TIMM44: variants seen among roughly 807,000 people sequenced by gnomAD.
TIMM44 encodes the protein mitochondrial import inner membrane translocase subunit TIM44.
In TIMM44, 37 loss-of-function variants were observed where a neutral mutation model predicts 63.8. That is an observed-to-expected ratio of 0.58 (90% CI 0.45 to 0.76). TIMM44 has a LOEUF of 0.76. Ranked by LOEUF, TIMM44 falls within the 30% of genes least tolerant of loss-of-function variation. TIMM44 has a pLI of 0.00. For missense variants in TIMM44, 573 were observed against 603.8 expected, an observed-to-expected ratio of 0.95 and a Z score of 0.54; for synonymous variants, 239 against 245.1, an observed-to-expected ratio of 0.98 and a Z score of 0.23.
intron 3 of TIMM44, among the ~76,000 whole-genome samples, chr19:7,935,907 T>A (rs1451790983): frequency 1.3e-5 from 2 of 152,136 alleles, no homozygotes. Flanking sequence ...TAGTCCCAGC[T>A]CTTTGGGAAG....
intron 10 of TIMM44, 147 bp downstream of exon 10, chr19:7,930,991 C>T (rs867020345): frequency 5.8e-6 from 4 of 694,646 alleles, no homozygotes; most frequent in East Asian, 2.7e-5. Flanking sequence ...GTCAGGCTCT[C>T]GGAGGGTGAG....
Position 7,933,874 on chromosome 19 carries a change from C to G in TIMM44, c.673G>C (p.Glu225Gln). ...GDKFKEEKVF[E>Q]PNEEALGVVL... The stretch of plus-strand genomic sequence containing the variant: ...CGGGCTGGTACCTACTCGTTTGGCT[C>G]AAACACTTTCTCCTCCTTGAACTTA... Residue 225 changes from glutamate (E) to glutamine (Q), a missense_variant, in exon 6 of 13, where the codon GAG becomes CAG. Coordinates refer to ENST00000270538, the MANE Select transcript of TIMM44 (RefSeq NM_006351.4). The surrounding 1 kb of genome is among the most constrained non-coding windows in gnomAD (Gnocchi z 4.3). The G allele has an allele frequency of 4.3e-6, 7 of 1,614,146 alleles. No homozygotes were observed. The highest frequency in any genetic ancestry group is 5.9e-6 in the Non-Finnish European group (7 of 1,180,028).
At chr19:7,935,258 C>G in intron 3 of TIMM44, 113 bp from the exon 4 acceptor site, 1 of 979,964 alleles carries the variant, frequency 1.0e-6, no homozygotes, top group Non-Finnish European at 1.5e-6. Flanking sequence ...TTCCTCCTGC[C>G]AGATTCAAGC....
intron 9 of TIMM44, chr19:7,931,395 G>A: frequency 3.3e-6 from 2 of 606,118 alleles, no homozygotes; most frequent in South Asian, 1.9e-5. Flanking sequence ...TCTGGCCTAG[G>A]CACAGGCGGA....
At position 7,934,239 on chromosome 19, in the gene TIMM44, C is replaced by G. The variant is rs1984075313; in HGVS notation, c.394-1G>C. 6.2e-7 allele frequency: 1 copy of G among 1,611,492 alleles called. No homozygotes were observed. The highest frequency in any genetic ancestry group is 1.3e-5 in the African/African-American group (1 of 74,936). ...CACTTTTACTGACTTCGTGAAGGCTCTACTGAGACAGACACAGAGAGGGGG... is the reference window on the plus strand; with the variant it reads ...CACTTTTACTGACTTCGTGAAGGCTGTACTGAGACAGACACAGAGAGGGGG... On this transcript the variant is annotated splice_acceptor_variant, in intron 4 of 12. Transcript: ENST00000270538. LOFTEE classifies it high-confidence loss of function. This position sits in a 1 kb window ranked among gnomAD's most constrained non-coding sequence, Gnocchi z 5.3.
chr19:7,937,441 G>A (rs1240094295), intron 3 of TIMM44, among the ~76,000 whole-genome samples: 1 of 152,218 alleles, frequency 6.6e-6, no homozygotes, highest in African/African-American at 2.4e-5. Flanking sequence ...GTTTGGGAGG[G>A]TGTGAGCCTC....
At chr19:7,942,105 T>C (rs1351562752) in intron 1 of TIMM44, among the ~76,000 whole-genome samples, 1 of 152,072 alleles carries the variant, frequency 6.6e-6, no homozygotes, top group East Asian at 1.9e-4. Context: ...TCCCAACACG[T>C]TGGGAGGCTG....
At chr19:7,940,790 G>A (rs1425278511) in intron 2 of TIMM44, among the ~76,000 whole-genome samples, 4 of 152,092 alleles carry the variant, frequency 2.6e-5, no homozygotes, top group South Asian at 2.1e-4. Flanking sequence ...AGGTACCCAC[G>A]GGCAGAGGTC....
chr19:7,942,662 C>CTT (rs869229145), intron 1 of TIMM44, among the ~76,000 whole-genome samples: 58 of 139,506 alleles, frequency 4.2e-4, no homozygotes, highest in African/African-American at 4.7e-4. Flanking sequence ...TTGAGGATAA[C>CTT]TTTTTTTTTT....
intron 2 of TIMM44, among the ~76,000 whole-genome samples, chr19:7,940,538 G>A (rs761129270): frequency 5.3e-5 from 8 of 152,132 alleles, no homozygotes; most frequent in Non-Finnish European, 1.2e-4. Context: ...CTCCAAGGAG[G>A]CAGCTGAGCT....
chr19:7,939,060 A>G (rs1400529687), intron 2 of TIMM44, among the ~76,000 whole-genome samples: 1 of 151,992 alleles, frequency 6.6e-6, no homozygotes, highest in Non-Finnish European at 1.5e-5. Flanking sequence ...GAAAAATGTT[A>G]GGGCAGTGAA....
In TIMM44 at chr19:7,934,198, A is replaced by G. The variant is rs569185938; in HGVS notation, c.434T>C (p.Ile145Thr). The change falls in exon 5 of 13, where the codon ATC becomes ACC. Residue 145 changes from isoleucine to threonine, a missense_variant. Physicochemically the swap from Ile to Thr is moderately conservative, Grantham distance 89. Coordinates refer to ENST00000270538, the MANE Select transcript of TIMM44 (RefSeq NM_006351.4). The surrounding 1 kb of genome is among the most constrained non-coding windows in gnomAD (Gnocchi z 5.3). ...GGCTGCTTCCTCCACGCCCTCCTTG[A>G]TTTTCCGGCCGAGATCACTTTTACT... is the stretch of plus-strand genomic sequence containing the variant. ...EVSKSDLGRK[I>T]KEGVEEAAKT... 1.2e-6 allele frequency: 2 copies of G among 1,613,184 alleles called. No homozygotes were observed. The highest frequency in any genetic ancestry group is 2.2e-5 in the South Asian group (2 of 91,072).
intron 2 of TIMM44, 107 bp from the exon 3 acceptor site, chr19:7,938,304 G>T: frequency 2.4e-6 from 2 of 819,788 alleles, no homozygotes; most frequent in Non-Finnish European, 3.8e-6. Context: ...CTTTTCGGTT[G>T]ATATACATTT....
Position 7,943,565 on chromosome 19 carries a change from A to T in TIMM44, c.45+42T>A. 2 of 1,560,638 alleles carry T rather than the reference A, an allele frequency of 1.3e-6. No individual in the cohort carries two copies. The highest frequency in any genetic ancestry group is 1.7e-6 in the Non-Finnish European group (2 of 1,158,966). On this transcript the variant is annotated intron_variant, in intron 1 of 12. Coordinates refer to ENST00000270538, the MANE Select transcript of TIMM44 (RefSeq NM_006351.4). This position sits in a 1 kb window ranked among gnomAD's most constrained non-coding sequence, Gnocchi z 4.3. Reference sequence around the variant, plus strand: ...AAGCCTTGGTGGCCGAAGGCCCAGAAGACCCCTAAGCTCGCCCTGCCAGCG... The same window carrying T: ...AAGCCTTGGTGGCCGAAGGCCCAGATGACCCCTAAGCTCGCCCTGCCAGCG...
intron 10 of TIMM44, chr19:7,928,862 T>C (rs1369585569): frequency 7.6e-6 from 1 of 131,812 alleles, no homozygotes; most frequent in Non-Finnish European, 1.5e-5. Context: ...CACCAGCAGC[T>C]CCCTGGCAAA....
At chr19:7,931,738 G>A (rs1250914317) in intron 9 of TIMM44, 2 of 163,688 alleles carry the variant, frequency 1.2e-5, no homozygotes, top group Non-Finnish European at 2.7e-5. Flanking sequence ...ATGAGGGGGA[G>A]GGAGGTGCCT....
intron 3 of TIMM44, chr19:7,935,373 C>T: frequency 2.0e-6 from 1 of 511,800 alleles, no homozygotes; most frequent in South Asian, 2.1e-5. Flanking sequence ...CCACGTTGGC[C>T]AGGCTGGTCT....
chr19:7,942,685 G>A (rs887437283), intron 1 of TIMM44, among the ~76,000 whole-genome samples: 2 of 149,176 alleles, frequency 1.3e-5, no homozygotes, highest in African/African-American at 4.9e-5. Flanking sequence ...TTTTGAGACG[G>A]AGTCTCCCTC....
chr19:7,933,785 C>A lies in TIMM44; in HGVS notation c.683+79G>T. On this transcript the variant is annotated intron_variant, in intron 6 of 12. Coordinates refer to ENST00000270538, the MANE Select transcript of TIMM44 (RefSeq NM_006351.4). The surrounding 1 kb of genome is among the most constrained non-coding windows in gnomAD (Gnocchi z 4.3). ...CTCAAGAAACGGACTCAGGAGGGAA[C>A]CATTGGTGGGCTCCCGAAATGGACA... 6.3e-7 allele frequency: 1 copy of A among 1,595,288 alleles called. No homozygotes were observed. The highest frequency in any genetic ancestry group is 8.6e-7 in the Non-Finnish European group (1 of 1,167,330).
Sources: gnomAD v4.1 joint callset for allele counts (sites outside exome capture counted in the v4.1 genomes callset) on GRCh38, gnomAD v4.1.1 for gene constraint, Gnocchi (gnomAD v3.1) non-coding constraint, MANE v1.5 for transcripts, NCBI Gene and HGNC (gene_info 2026-07-23, HGNC 2026-07-21) for gene names.